The following SMG6 variants were observed in gnomAD, a reference collection of about 807,000 sequenced individuals.
SMG6 encodes the protein SMG6 nonsense mediated mRNA decay factor, also known as telomerase-binding protein EST1A.
Under a neutral mutation model 142.2 loss-of-function variants are expected in SMG6, and 66 were observed. The observed-to-expected ratio is 0.46, with a 90% confidence interval of 0.38 to 0.57. SMG6 has a LOEUF of 0.57. SMG6 is among the 20% of genes least tolerant of loss of function. The pLI is 0.00. For missense variants in SMG6, 1,793 were observed against 1,832.0 expected (o/e 0.98, Z 0.39); for synonymous variants, 779 against 702.4 (o/e 1.11, Z -1.72).
chr17:2,152,039 T>C lies in SMG6; in HGVS notation c.3357+20619A>G, dbSNP rs146340674. On this transcript the variant is annotated intron_variant, in intron 13 of 18. Coordinates refer to ENST00000263073, the MANE Select transcript of SMG6 (RefSeq NM_017575.5). Reference sequence around the variant, plus strand: ...CAAAAAACGACTTCACTCTGGAATATACTACGGGCAAGAAGCTGGCCTGAC... The same window carrying C: ...CAAAAAACGACTTCACTCTGGAATACACTACGGGCAAGAAGCTGGCCTGAC... Among the ~76,000 whole-genome samples the C allele has an allele frequency of 6.0e-4, 91 of 152,348 alleles. No individual in the cohort carries two copies. In the East Asian group the frequency reaches 0.015, roughly 25 times the overall value.
At chr17:2,237,848 C>T (rs965191201) in intron 9 of SMG6, among the ~76,000 whole-genome samples, 1 of 152,226 alleles carries the variant, frequency 6.6e-6, no homozygotes, top group Non-Finnish European at 1.5e-5. Context: ...TAGCCAGGCA[C>T]ATGGGCCTTA....
chr17:2,303,283 C>T, intron 1 of SMG6: 3 of 1,081,192 alleles, frequency 2.8e-6, no homozygotes, highest in South Asian at 8.8e-5. Context: ...GCGATACGCC[C>T]GGGGCCTCCA....
intron 12 of SMG6, among the ~76,000 whole-genome samples, chr17:2,178,941 C>A (rs1380918666): frequency 6.6e-6 from 1 of 152,230 alleles, no homozygotes; most frequent in East Asian, 1.9e-4. Flanking sequence ...AACCTCAGCT[C>A]AGAGCTGGAA....
chr17:2,263,373 A>G (rs1163662954), intron 8 of SMG6, among the ~76,000 whole-genome samples: 1 of 152,216 alleles, frequency 6.6e-6, no homozygotes, highest in Non-Finnish European at 1.5e-5. Context: ...ACAAATCAGT[A>G]AAAGCAGTAC....
intron 12 of SMG6, among the ~76,000 whole-genome samples, chr17:2,181,927 G>T (rs1163244698): frequency 6.6e-6 from 1 of 152,236 alleles, no homozygotes; most frequent in Non-Finnish European, 1.5e-5. Flanking sequence ...AGGGAGGAGG[G>T]ATGAAGGGAG....
At chr17:2,154,813 C>G (rs1371002004) in intron 13 of SMG6, among the ~76,000 whole-genome samples, 4 of 152,098 alleles carry the variant, frequency 2.6e-5, no homozygotes, top group Admixed American at 2.6e-4. Context: ...GGTGGGTGAA[C>G]TGCTTGAGCT....
intron 13 of SMG6, among the ~76,000 whole-genome samples, chr17:2,105,928 A>G (rs1371167075): frequency 6.6e-6 from 1 of 152,246 alleles, no homozygotes; most frequent in Non-Finnish European, 1.5e-5. Flanking sequence ...TGTAAAGAGT[A>G]AAGTCCATCA....
chr17:2,170,644 A>T (rs1332074201), intron 13 of SMG6, among the ~76,000 whole-genome samples: 4 of 152,252 alleles, frequency 2.6e-5, no homozygotes, highest in Non-Finnish European at 5.9e-5. Flanking sequence ...TTTGTTGGAA[A>T]GGCAAAAAGT....
chr17:2,274,932 G>A (rs1439849677), intron 8 of SMG6, among the ~76,000 whole-genome samples: 1 of 150,538 alleles, frequency 6.6e-6, no homozygotes, highest in Non-Finnish European at 1.5e-5. Flanking sequence ...GACCATCCCA[G>A]GCAACATAGC....
chr17:2,253,123 A>AT (rs1273918558), intron 8 of SMG6, among the ~76,000 whole-genome samples: 1 of 145,998 alleles, frequency 6.8e-6, no homozygotes, highest in Non-Finnish European at 1.5e-5. Flanking sequence ...ATTTTATTTT[A>AT]TTTATTTATT....
chr17:2,137,857 C>G lies in SMG6; in HGVS notation c.3357+34801G>C, dbSNP rs149095182. ...CCAAATGTCCTCTGTATCTCCAAGTCAGATCTTCCTTGTCTTTACAGCAGG... is the reference window on the plus strand; with the variant it reads ...CCAAATGTCCTCTGTATCTCCAAGTGAGATCTTCCTTGTCTTTACAGCAGG... On this transcript the variant is annotated intron_variant, in intron 13 of 18. Coordinates refer to ENST00000263073, the MANE Select transcript of SMG6 (RefSeq NM_017575.5). Among the ~76,000 whole-genome samples the G allele has an allele frequency of 1.8e-3, 280 of 152,316 alleles. 1 individual carries two copies. Among genetic ancestry groups the G allele is most frequent in the African/African-American group, 6.5e-3 (272 of 41,570 alleles).
chr17:2,147,699 G>A (rs2070709043), intron 13 of SMG6, among the ~76,000 whole-genome samples: 1 of 152,136 alleles, frequency 6.6e-6, no homozygotes, highest in African/African-American at 2.4e-5. Context: ...AAAGATGTTC[G>A]ACATCACTTG....
At chr17:2,261,709 A>G (rs974635609) in intron 8 of SMG6, among the ~76,000 whole-genome samples, 3 of 152,204 alleles carry the variant, frequency 2.0e-5, no homozygotes, top group Non-Finnish European at 2.9e-5. Flanking sequence ...GGATGTAAAG[A>G]CAAGGAAAGA....
Position 2,081,678 on chromosome 17 carries a change from T to C in SMG6, c.3681+132A>G, listed in dbSNP as rs562892104. On this transcript the variant is annotated intron_variant, in intron 15 of 18. Coordinates refer to ENST00000263073, the MANE Select transcript of SMG6 (RefSeq NM_017575.5). ...ATTTAGTGGTAGAGTGAAAAACGGG[T>C]AGAGCTAGAGAGAACACTGCAGGAC... 1.7e-4 allele frequency: 183 copies of C among 1,073,892 alleles called. 4 individuals carry two copies. The South Asian group carries it at 2.5e-3, about 14-fold the overall frequency. 66.5% of individuals were successfully genotyped at this position (1,073,892 alleles called of 1,614,324 possible).
In SMG6 at chr17:2,172,801, T is replaced by A. The variant is rs1175490477; in HGVS notation, c.3214A>T (p.Asn1072Tyr). The A allele has an allele frequency of 8.7e-6, 14 of 1,614,040 alleles. No homozygotes were observed. Among genetic ancestry groups the A allele is most frequent in the Non-Finnish European group, 1.0e-5 (12 of 1,180,026 alleles). The change falls in exon 13 of 19, where the codon AAT (asparagine) becomes TAT (tyrosine). Residue 1072 changes from asparagine to tyrosine, a missense_variant. Physicochemically the swap from Asn to Tyr is moderately radical, Grantham distance 143. Coordinates refer to ENST00000263073, the MANE Select transcript of SMG6 (RefSeq NM_017575.5). ...TTGTACAGTGGCACCTCAGACTGAT[T>A]CACTGCAGTCAGTATGTTACAGAAA... ...ADFCNILTAVNQSEVPLYKDP... is the reference protein window; with the variant it reads ...ADFCNILTAVYQSEVPLYKDP...
chr17:2,256,688 C>T (rs12450354), intron 8 of SMG6, among the ~76,000 whole-genome samples: 87,699 of 152,010 alleles, frequency 0.58, 26,471 homozygotes, highest in East Asian at 0.75. Flanking sequence ...GGTGGGAGAA[C>T]TGCTGGAGCC....
At chr17:2,153,882 C>CT (rs2070911060) in intron 13 of SMG6, among the ~76,000 whole-genome samples, 1 of 112,618 alleles carries the variant, frequency 8.9e-6, no homozygotes, top group African/African-American at 3.5e-5. Flanking sequence ...TGTGCGGTGA[C>CT]GGGGGAACCT....
intron 12 of SMG6, among the ~76,000 whole-genome samples, chr17:2,173,845 C>CTTTT (rs35215989): frequency 4.1e-4 from 31 of 74,828 alleles, no homozygotes; most frequent in Non-Finnish European, 5.7e-4. Flanking sequence ...ATCCATAAAG[C>CTTTT]TTTTTTTTTT....
At chr17:2,224,354 A>G (rs1424754390) in intron 10 of SMG6, among the ~76,000 whole-genome samples, 1 of 152,216 alleles carries the variant, frequency 6.6e-6, no homozygotes, top group Non-Finnish European at 1.5e-5. Flanking sequence ...TTAGAGAAAT[A>G]AAAGACAAGC....
Sources: gnomAD v4.1 joint callset for allele counts (sites outside exome capture counted in the v4.1 genomes callset) on GRCh38, gnomAD v4.1.1 for gene constraint, MANE v1.5 for transcripts, NCBI Gene and HGNC (gene_info 2026-07-23, HGNC 2026-07-21) for gene names.